Variants in RGS22 observed in about 807,000 individuals in gnomAD.
RGS22 encodes regulator of G-protein signaling 22.
In RGS22, 148 loss-of-function variants were observed where a neutral mutation model predicts 172.9. The observed-to-expected ratio is 0.86, with a 90% confidence interval of 0.75 to 0.98. The LOEUF is 0.98. RGS22 is among the 50% of genes least tolerant of loss of function. RGS22 has a pLI of 0.00. For missense variants in RGS22, 1,347 were observed against 1,440.8 expected (o/e 0.93, Z 1.05); for synonymous variants, 458 against 480.2 (o/e 0.95, Z 0.60).
intron 4 of RGS22, among the ~76,000 whole-genome samples, chr8:100,074,015 T>C (rs866132574): frequency 6.6e-6 from 1 of 151,982 alleles, no homozygotes; most frequent in Non-Finnish European, 1.5e-5. Context: ...TAAATACTTA[T>C]AAGAAACACA....
rs75758146 is a variant in RGS22, at chr8:100,027,016, G to A, written c.2166+11915C>T. Among the ~76,000 whole-genome samples the A allele has an allele frequency of 7.5e-3, 1,138 of 152,256 alleles. 18 individuals carry two copies. The highest frequency in any genetic ancestry group is 0.026 in the African/African-American group (1,099 of 41,534). ...AGGCTGAGGTGGGAGGATTGCTTGA[G>A]TACAAGAGTTCAAGACAAGCCTGGG... On this transcript the variant is annotated intron_variant, in intron 14 of 27. Transcript: ENST00000360863.
chr8:99,999,519 C>G (rs928772024), intron 18 of RGS22, 99 bp from the exon 19 acceptor site: 4 of 1,305,598 alleles, frequency 3.1e-6, no homozygotes, highest in African/African-American at 1.5e-5. Context: ...TTTGCTGCAC[C>G]CTGAGGGGTG....
intron 3 of RGS22, among the ~76,000 whole-genome samples, chr8:100,084,465 A>G (rs1812020105): frequency 6.6e-6 from 1 of 152,246 alleles, no homozygotes; most frequent in Non-Finnish European, 1.5e-5. Flanking sequence ...AATTGGAATT[A>G]TGTTTATAAT....
chr8:100,058,567 A>C (rs1214642285), intron 9 of RGS22, among the ~76,000 whole-genome samples: 1 of 152,174 alleles, frequency 6.6e-6, no homozygotes, highest in Non-Finnish European at 1.5e-5. Context: ...TAATGGCAAA[A>C]ACTGCAATAA....
chr8:99,965,993 A>G (rs933260687), intron 23 of RGS22, among the ~76,000 whole-genome samples: 1 of 152,240 alleles, frequency 6.6e-6, no homozygotes, highest in African/African-American at 2.4e-5. Flanking sequence ...GATGAAATTA[A>G]TAAATTACAT....
rs376032267 is a variant in RGS22, at chr8:100,071,784, A to G, written c.426-247T>C. 2.0e-5 allele frequency among the ~76,000 whole-genome samples: 3 copies of G among 152,330 alleles called. No homozygotes were observed. In the East Asian group the frequency reaches 5.8e-4, roughly 29 times the overall value. On this transcript the variant is annotated intron_variant, in intron 5 of 27. Coordinates refer to ENST00000360863, the MANE Select transcript of RGS22 (RefSeq NM_015668.5). The stretch of plus-strand genomic sequence containing the variant: ...CAAATTTTAGGTTCTTACATGTTAA[A>G]AGTCAGGGAACATAAAGGAAAAACT...
At chr8:100,066,810 G>A (rs1419506481) in intron 6 of RGS22, among the ~76,000 whole-genome samples, 1 of 152,168 alleles carries the variant, frequency 6.6e-6, no homozygotes, top group Non-Finnish European at 1.5e-5. Flanking sequence ...CTTTGCATTA[G>A]ATTCAGTTTT....
At position 100,071,442 on chromosome 8, in the gene RGS22, G is replaced by C; in HGVS notation, c.521C>G (p.Pro174Arg). 2 of 1,613,206 alleles carry C rather than the reference G, an allele frequency of 1.2e-6. No homozygotes were observed. Among genetic ancestry groups the C allele is most frequent in the Non-Finnish European group, 1.7e-6 (2 of 1,179,460 alleles). ...TTCAGTGGCAGGAGGTGGTAGACTG[G>C]GTGGTTTTTTCACGATCCAGGGAGA... Reference protein sequence around the residue: ...NFSPWIVKKPPSLPPPATEED... With the variant: ...NFSPWIVKKPRSLPPPATEED... Residue 174 changes from proline to arginine, a missense_variant, in exon 6 of 28, where the codon CCC (proline) becomes CGC (arginine). By Grantham distance (103) the Pro-to-Arg change is moderately radical. Transcript: ENST00000360863.
intron 23 of RGS22, among the ~76,000 whole-genome samples, chr8:99,969,881 C>T (rs555634803): frequency 2.0e-5 from 3 of 152,262 alleles, no homozygotes; most frequent in African/African-American, 7.2e-5. Flanking sequence ...ACCAAGTGGA[C>T]CTAATAGACA....
At chr8:100,036,369 C>T (rs1315049287) in intron 14 of RGS22, among the ~76,000 whole-genome samples, 2 of 152,126 alleles carry the variant, frequency 1.3e-5, no homozygotes, top group Non-Finnish European at 1.5e-5. Flanking sequence ...TCAGGGTGTA[C>T]CCAAGACAGT....
chr8:99,970,016 A>G lies in RGS22; in HGVS notation c.3520-4586T>C, dbSNP rs182996610. 1.9e-3 allele frequency among the ~76,000 whole-genome samples: 294 copies of G among 152,332 alleles called. 1 individual carries two copies. The highest frequency in any genetic ancestry group is 6.8e-3 in the Middle Eastern group (2 of 294). On this transcript the variant is annotated intron_variant, in intron 23 of 27. Coordinates refer to ENST00000360863, the MANE Select transcript of RGS22 (RefSeq NM_015668.5). ...TCCTCAGCAAATGCAAAATAACAGA[A>G]ATCATAACAAACAGTCTCTTGGACC...
rs980098131 is a variant in RGS22, at chr8:100,072,879, A to C, written c.340-649T>G. 9.2e-5 allele frequency among the ~76,000 whole-genome samples: 14 copies of C among 152,214 alleles called. 1 individual carries two copies. Among genetic ancestry groups the C allele is most frequent in the Non-Finnish European group, 1.6e-4 (11 of 68,028 alleles). ...TGAGCAGGGAAGCAAAAGAGGAGAC[A>C]AACCATAAGTGTAGCAGTATTAGGT... On this transcript the variant is annotated intron_variant, in intron 4 of 27. Coordinates refer to ENST00000360863, the MANE Select transcript of RGS22 (RefSeq NM_015668.5).
Position 100,071,268 on chromosome 8 carries a change from CAG to C in RGS22, c.594+99_594+100del, listed in dbSNP as rs1437027209. On this transcript the variant is annotated intron_variant, in intron 6 of 27. Transcript: ENST00000360863. The stretch of plus-strand genomic sequence containing the variant: ...ATATCACTGCACTCCAGCCTGGTGA[CAG>C]AGTGAGATCCTGTCTCAAAAAATAT... The C allele has an allele frequency of 2.9e-6, 3 of 1,038,200 alleles. No individual in the cohort carries two copies. In the East Asian group the frequency reaches 8.4e-5, roughly 29 times the overall value. 64.3% of individuals were successfully genotyped at this position (1,038,200 alleles called of 1,614,324 possible).
intron 11 of RGS22, among the ~76,000 whole-genome samples, chr8:100,043,994 T>A (rs1289449575): frequency 6.6e-6 from 1 of 152,056 alleles, no homozygotes; most frequent in South Asian, 2.1e-4. Flanking sequence ...AATGAACAAA[T>A]TCCTAGAGAG....
rs145876666 is a variant in RGS22, at chr8:100,011,494, T to C, written c.2167-2925A>G. On this transcript the variant is annotated intron_variant, in intron 14 of 27. Coordinates refer to ENST00000360863, the MANE Select transcript of RGS22 (RefSeq NM_015668.5). ...GCAGCAGTCCTCTGCTCAAACTCTC[T>C]AGCAGCTTCCCATCTCACACATAAT... Among the ~76,000 whole-genome samples, 370 of 152,276 alleles carry C rather than the reference T, an allele frequency of 2.4e-3. 1 individual carries two copies. Among genetic ancestry groups the C allele is most frequent in the African/African-American group, 8.6e-3 (357 of 41,534 alleles).
At chr8:100,074,110 G>T (rs575253177) in intron 4 of RGS22, among the ~76,000 whole-genome samples, 1 of 152,316 alleles carries the variant, frequency 6.6e-6, no homozygotes, top group African/African-American at 2.4e-5. Flanking sequence ...ATGACCAGAA[G>T]GTTAAGGGAA....
At chr8:100,076,349 G>T (rs1210240924) in intron 4 of RGS22, among the ~76,000 whole-genome samples, 1 of 152,034 alleles carries the variant, frequency 6.6e-6, no homozygotes, top group Non-Finnish European at 1.5e-5. Flanking sequence ...TGCATTGCTG[G>T]ATTTAATTTG....
intron 17 of RGS22, 117 bp from the exon 18 acceptor site, chr8:100,002,481 T>A (rs1456781837): frequency 1.1e-6 from 1 of 910,512 alleles, no homozygotes; most frequent in African/African-American, 1.8e-5. Flanking sequence ...CTAGTAGCAT[T>A]AGATCATGGA....
chr8:100,081,748 C>G (rs916237584), intron 3 of RGS22, among the ~76,000 whole-genome samples: 2 of 151,990 alleles, frequency 1.3e-5, no homozygotes, highest in Admixed American at 6.6e-5. Flanking sequence ...TTAGATTTAT[C>G]TGGAGATAGG....
Sources: allele counts gnomAD v4.1 joint callset (sites outside exome capture counted in the v4.1 genomes callset), GRCh38; gene constraint gnomAD v4.1.1; transcripts MANE v1.5; gene names NCBI Gene and HGNC (gene_info 2026-07-23, HGNC 2026-07-21).